TAOK1: variants seen among roughly 807,000 people sequenced by gnomAD.
The protein encoded by TAOK1 is TAO kinase 1.
TAOK1 carries 21 observed loss-of-function variants against 138.3 expected under a neutral mutation model. That is an observed-to-expected ratio of 0.15 (90% CI 0.11 to 0.22). The LOEUF is 0.22. Ranked by LOEUF, TAOK1 falls within the 10% of genes least tolerant of loss-of-function variation. The pLI is 1.00. For synonymous variants in TAOK1, 361 were observed against 398.4 expected, an observed-to-expected ratio of 0.91 and a Z score of 1.12; for missense variants, 651 against 1,227.7, an observed-to-expected ratio of 0.53 and a Z score of 7.02.
chr17:29,437,139 C>T (rs1906058068), intron 1 of TAOK1, among the ~76,000 whole-genome samples: 1 of 152,176 alleles, frequency 6.6e-6, no homozygotes, highest in African/African-American at 2.4e-5. Context: ...TCTTGGCTCA[C>T]TGCCACCTCC....
rs1488219944 is a variant in TAOK1, at chr17:29,548,111, T to C, written c.*5089T>C. The C allele has an allele frequency of 1.3e-5, 2 of 152,212 alleles. No homozygotes were observed. The highest frequency in any genetic ancestry group is 2.4e-5 in the African/African-American group (1 of 41,466). The allele number at this position is 152,212 out of a possible 1,614,324, so 9.4% of individuals were successfully genotyped here. A position where few individuals can be genotyped will look rare whatever the true frequency, so the allele number is the denominator to read the frequency against. On this transcript the variant is annotated 3_prime_UTR_variant, in exon 20 of 20. Coordinates refer to ENST00000261716, the MANE Select transcript of TAOK1 (RefSeq NM_020791.4). ...ATTCCGGTAGTTCCCTTTAAAGTCA[T>C]GTTGACTAATGTTTTCCTCCTTGTT...
chr17:29,532,413 A>G (rs2150773366), intron 18 of TAOK1, among the ~76,000 whole-genome samples: 1 of 149,078 alleles, frequency 6.7e-6, no homozygotes, highest in South Asian at 2.1e-4. Context: ...TGGCAGGGTC[A>G]TAGGACAATA....
At chr17:29,448,513 T>C (rs57457995) in intron 1 of TAOK1, among the ~76,000 whole-genome samples, 21,220 of 152,184 alleles carry the variant, frequency 0.14, 1,589 homozygotes, top group South Asian at 0.24. Context: ...GTTATTAATT[T>C]CCTTGTCTTT....
At chr17:29,461,926 G>T (rs555126986) in intron 2 of TAOK1, among the ~76,000 whole-genome samples, 86 of 152,228 alleles carry the variant, frequency 5.6e-4, no homozygotes, top group African/African-American at 2.0e-3. Flanking sequence ...GATGAGGAAA[G>T]TTTGAATGTA....
intron 1 of TAOK1, among the ~76,000 whole-genome samples, chr17:29,396,482 C>T (rs1263960003): frequency 6.6e-6 from 1 of 152,132 alleles, no homozygotes; most frequent in Admixed American, 6.5e-5. Context: ...TATAATGGCA[C>T]TTAATTACCG....
At chr17:29,411,017 T>C (rs1430638550) in intron 1 of TAOK1, among the ~76,000 whole-genome samples, 1 of 151,852 alleles carries the variant, frequency 6.6e-6, no homozygotes, top group Non-Finnish European at 1.5e-5. Context: ...CATATTGGTA[T>C]AAGACTTATC....
chr17:29,450,645 A>C (rs1161828765), intron 1 of TAOK1, among the ~76,000 whole-genome samples: 1 of 152,126 alleles, frequency 6.6e-6, no homozygotes, highest in Non-Finnish European at 1.5e-5. Flanking sequence ...CAAAGTAGCC[A>C]GGACTATAAG....
chr17:29,449,990 A>AAT lies in TAOK1; in HGVS notation c.-94-1464_-94-1463insTA, dbSNP rs1457075422. Among the ~76,000 whole-genome samples the AAT allele has an allele frequency of 3.9e-5, 6 of 152,294 alleles. No homozygotes were observed. The East Asian group carries it at 7.7e-4, about 20-fold the overall frequency. On this transcript the variant is annotated intron_variant, in intron 1 of 19. Transcript: ENST00000261716. ...TATGCTTTCATTTATTAACTCATTT[A>AAT]ACCCTCCTGATTACACTGTGAAGTA...
chr17:29,467,523 T>C (rs1787946679), intron 3 of TAOK1, among the ~76,000 whole-genome samples: 1 of 152,114 alleles, frequency 6.6e-6, no homozygotes, highest in Non-Finnish European at 1.5e-5. Context: ...CTGCCCGCCT[T>C]GGCCTCCCAA....
chr17:29,446,450 C>T (rs1365483213), intron 1 of TAOK1, among the ~76,000 whole-genome samples: 1 of 152,092 alleles, frequency 6.6e-6, no homozygotes, highest in African/African-American at 2.4e-5. Context: ...ACCGTGTTAG[C>T]CAGGATGGTC....
chr17:29,533,692 C>G (rs1391464672), intron 18 of TAOK1, among the ~76,000 whole-genome samples: 83 of 147,352 alleles, frequency 5.6e-4, no homozygotes, highest in African/African-American at 2.1e-3. Context: ...AATACGAAAA[C>G]CAGTCAGGCG....
chr17:29,531,444 A>G (rs2032106274), intron 18 of TAOK1, among the ~76,000 whole-genome samples: 1 of 148,086 alleles, frequency 6.8e-6, no homozygotes, highest in African/African-American at 2.5e-5. Flanking sequence ...TTTCTATATA[A>G]GAGCTTTGTA....
intron 1 of TAOK1, among the ~76,000 whole-genome samples, chr17:29,401,840 G>A (rs537337113): frequency 3.9e-4 from 60 of 152,050 alleles, no homozygotes; most frequent in Middle Eastern, 6.8e-3. Flanking sequence ...TGTTTGAGAC[G>A]GGGTTTCGCC....
intron 16 of TAOK1, among the ~76,000 whole-genome samples, chr17:29,520,597 TAG>T (rs1191165578): frequency 6.6e-6 from 1 of 151,876 alleles, no homozygotes; most frequent in Non-Finnish European, 1.5e-5. Context: ...GTATTTTTAA[TAG>T]AGACTGGGTT....
At chr17:29,457,698 A>G (rs1375243953) in intron 2 of TAOK1, among the ~76,000 whole-genome samples, 1 of 151,758 alleles carries the variant, frequency 6.6e-6, no homozygotes, top group Non-Finnish European at 1.5e-5. Flanking sequence ...GAGCCACTGC[A>G]CCTTGCCTGA....
At chr17:29,408,747 G>A (rs150166768) in intron 1 of TAOK1, among the ~76,000 whole-genome samples, 1 of 151,016 alleles carries the variant, frequency 6.6e-6, no homozygotes, top group East Asian at 2.0e-4. Context: ...GAGTCTCACT[G>A]TGTCACCTAG....
intron 8 of TAOK1, among the ~76,000 whole-genome samples, chr17:29,483,392 G>C (rs181511140): frequency 1.3e-5 from 2 of 152,152 alleles, no homozygotes; most frequent in East Asian, 3.9e-4. Context: ...CATTCTAAAA[G>C]GAGTGACTAA....
chr17:29,467,233 C>A lies in TAOK1; in HGVS notation c.204+17C>A. The A allele has an allele frequency of 1.3e-6, 2 of 1,504,496 alleles. No homozygotes were observed. The highest frequency in any genetic ancestry group is 1.8e-6 in the Non-Finnish European group (2 of 1,102,786). The allele number at this position is 1,504,496 out of a possible 1,614,324, so 93.2% of individuals were successfully genotyped here. ...TCTACTGAGGTAGGTTAAATATGTA[C>A]ATTCTTGTTTTTTTCTTATATTTAT... is the stretch of plus-strand genomic sequence containing the variant. On this transcript the variant is annotated intron_variant, in intron 3 of 19. Coordinates refer to ENST00000261716, the MANE Select transcript of TAOK1 (RefSeq NM_020791.4).
At chr17:29,470,520 A>G (rs748521490) in intron 3 of TAOK1, among the ~76,000 whole-genome samples, 1 of 141,638 alleles carries the variant, frequency 7.1e-6, no homozygotes, top group Non-Finnish European at 1.5e-5. Flanking sequence ...TATAAATTAT[A>G]TATCAATAAA....
Sources: gnomAD v4.1 joint callset for allele counts (sites outside exome capture counted in the v4.1 genomes callset) on GRCh38, gnomAD v4.1.1 for gene constraint, MANE v1.5 for transcripts, NCBI Gene and HGNC (gene_info 2026-07-23, HGNC 2026-07-21) for gene names.